The following ULK2 variants were observed in gnomAD, a reference collection of about 807,000 sequenced individuals.
The protein encoded by ULK2 is unc-51 like autophagy activating kinase 2, also known as serine/threonine-protein kinase ULK2.
In ULK2, 76 loss-of-function variants were observed where a neutral mutation model predicts 127.5. The observed-to-expected ratio is 0.60, with a 90% CI of 0.50 to 0.72. ULK2 has a LOEUF of 0.72. ULK2 is among the 30% of genes least tolerant of loss of function. The pLI, the probability that ULK2 is intolerant of heterozygous loss-of-function variation, is 0.00. For synonymous variants in ULK2, 452 were observed against 461.9 expected, an observed-to-expected ratio of 0.98 and a Z score of 0.28; for missense variants, 1,144 against 1,295.9, an observed-to-expected ratio of 0.88 and a Z score of 1.80.
chr17:19,792,465 C>T (rs1043231625), intron 20 of ULK2, among the ~76,000 whole-genome samples: 3 of 152,232 alleles, frequency 2.0e-5, no homozygotes, highest in African/African-American at 7.2e-5. Context: ...GCAAGACTGT[C>T]ACCAGATCAA....
chr17:19,799,676 C>A, intron 16 of ULK2, 101 bp from the exon 17 acceptor site: 2 of 1,170,760 alleles, frequency 1.7e-6, no homozygotes, highest in East Asian at 2.7e-5. Flanking sequence ...GCACAGTAAA[C>A]TACTGGTTAG....
chr17:19,783,967 C>T, intron 21 of ULK2, 62 bp from the exon 22 acceptor site: 1 of 1,294,662 alleles, frequency 7.7e-7, no homozygotes. Flanking sequence ...CCCACTCCTA[C>T]TCTTATTTAC....
intron 21 of ULK2, among the ~76,000 whole-genome samples, 199 bp downstream of exon 21, chr17:19,785,738 T>A (rs928178619): frequency 2.6e-5 from 4 of 151,970 alleles, no homozygotes; most frequent in African/African-American, 9.7e-5. Flanking sequence ...CTTTACAAAG[T>A]TTTTTTCCCC....
chr17:19,824,682 G>A (rs1304225491), intron 12 of ULK2, among the ~76,000 whole-genome samples: 1 of 152,040 alleles, frequency 6.6e-6, no homozygotes, highest in East Asian at 1.9e-4. Flanking sequence ...TGGCTCAGAG[G>A]TGACTCCTCC....
rs2042026572 is a variant in ULK2, at chr17:19,852,017, G to A, written c.226-2243C>T. Among the ~76,000 whole-genome samples the A allele has an allele frequency of 2.2e-5, 3 of 135,490 alleles. No homozygotes were observed. The South Asian group carries it at 7.0e-4, about 32-fold the overall frequency. The allele number at this position is 135,490 out of a possible 152,430, so 88.9% of individuals were successfully genotyped here. The stretch of plus-strand genomic sequence containing the variant: ...GCCGAGATTGCGCCACTGCATTCCA[G>A]CCTGGCAACAGAATGAGACTCCATC... On this transcript the variant is annotated intron_variant, in intron 3 of 26. Coordinates refer to ENST00000395544, the MANE Select transcript of ULK2 (RefSeq NM_014683.4).
At chr17:19,828,993 G>A (rs1390641376) in intron 10 of ULK2, among the ~76,000 whole-genome samples, 3 of 152,136 alleles carry the variant, frequency 2.0e-5, no homozygotes, top group African/African-American at 4.8e-5. Flanking sequence ...GCCTGAACTC[G>A]GGACACAGAG....
chr17:19,799,602 G>C (rs1227020813), intron 16 of ULK2, 27 bp from the exon 17 acceptor site: 9 of 1,364,826 alleles, frequency 6.6e-6, no homozygotes, highest in Non-Finnish European at 8.9e-6. Flanking sequence ...AAAAAAGATG[G>C]GGAAAGGAAG....
In ULK2 at chr17:19,776,400, A is replaced by G; in HGVS notation, c.3060T>C (p.Cys1020=). The part of the protein sequence containing the change: ...ADIENVHKYK[C]SIERRLSALC... Reference sequence around the variant, plus strand: ...GCGCCGACAGTCTTCTCTCAATACTACATTTATCTAGAAATAAAATAACAA... The same window carrying G: ...GCGCCGACAGTCTTCTCTCAATACTGCATTTATCTAGAAATAAAATAACAA... The change falls in exon 27 of 27, where the codon TGT becomes TGC. Residue 1020 remains cysteine, a synonymous_variant. Transcript: ENST00000395544. 6.3e-7 allele frequency: 1 copy of G among 1,595,400 alleles called. No homozygotes were observed. The highest frequency in any genetic ancestry group is 8.5e-7 in the Non-Finnish European group (1 of 1,171,052).
intron 5 of ULK2, 90 bp from the exon 6 acceptor site, chr17:19,847,000 A>T: frequency 1.6e-6 from 2 of 1,244,724 alleles, no homozygotes; most frequent in Non-Finnish European, 2.2e-6. Context: ...TGTGAAGGAG[A>T]GCATGAAGGG....
rs1446226836 is a variant in ULK2, at chr17:19,774,950, CAGAT to C, written c.*1395_*1398del. The C allele has an allele frequency of 2.0e-5, 3 of 152,488 alleles. No individual in the cohort carries two copies. Among genetic ancestry groups the C allele is most frequent in the African/African-American group, 7.2e-5 (3 of 41,388 alleles). The allele number at this position is 152,488 out of a possible 1,614,324, so 9.4% of individuals were successfully genotyped here. A position where few individuals can be genotyped will look rare whatever the true frequency, so the allele number is the denominator to read the frequency against. On this transcript the variant is annotated 3_prime_UTR_variant, in exon 27 of 27. Transcript: ENST00000395544. ...TCAAATTAACTACTGGAATTTCATA[CAGAT>C]AAATAAGGTAAAAATTACATTACTT... is the stretch of plus-strand genomic sequence containing the variant.
rs1187727876 is a variant in ULK2, at chr17:19,829,552, G to GGGGT, written c.788-3367_788-3366insACCC. On this transcript the variant is annotated intron_variant, in intron 10 of 26. Transcript: ENST00000395544. ...ACCCTGTCAAGGAAAAAAAAAAGGG[G>GGGGT]GGGGGCTGGGCACGGTAGCTCACGC... Among the ~76,000 whole-genome samples the GGGGT allele has an allele frequency of 7.8e-5, 11 of 140,874 alleles. 1 individual carries two copies. The highest frequency in any genetic ancestry group is 2.0e-4 in the East Asian group (1 of 4,964). 92.4% of individuals were successfully genotyped at this position (140,874 alleles called of 152,430 possible). A position where few individuals can be genotyped will look rare whatever the true frequency, so the allele number is the denominator to read the frequency against.
chr17:19,814,433 T>TATATACAC (rs2040923196), intron 13 of ULK2, among the ~76,000 whole-genome samples: 2 of 24,000 alleles, frequency 8.3e-5, no homozygotes, highest in African/African-American at 3.5e-4. Context: ...TATATATATA[T>TATATACAC]ATATATTTTT....
chr17:19,796,046 T>A, intron 19 of ULK2, 49 bp downstream of exon 19: 1 of 1,560,706 alleles, frequency 6.4e-7, no homozygotes, highest in Non-Finnish European at 8.6e-7. Context: ...ATCTATGTTT[T>A]ACTATTACAG....
chr17:19,776,270 G>A lies in ULK2; in HGVS notation c.*79C>T. 7.7e-7 allele frequency: 1 copy of A among 1,295,930 alleles called. No homozygotes were observed. Among genetic ancestry groups the A allele is most frequent in the Non-Finnish European group, 1.0e-6 (1 of 952,836 alleles). The allele number at this position is 1,295,930 out of a possible 1,614,324, so 80.3% of individuals were successfully genotyped here. A position where few individuals can be genotyped will look rare whatever the true frequency, so the allele number is the denominator to read the frequency against. On this transcript the variant is annotated 3_prime_UTR_variant, in exon 27 of 27. Coordinates refer to ENST00000395544, the MANE Select transcript of ULK2 (RefSeq NM_014683.4). The stretch of plus-strand genomic sequence containing the variant: ...TAAGAAGCTACAGTTTCCTGGGGAT[G>A]GGGTGACAGAACTCAAGCTGTAATC...
At chr17:19,856,506 T>C (rs965074688) in intron 3 of ULK2, among the ~76,000 whole-genome samples, 2 of 150,332 alleles carry the variant, frequency 1.3e-5, no homozygotes, top group Admixed American at 6.7e-5. Context: ...GAGGGGAACC[T>C]GGGAGGCAGA....
chr17:19,827,960 A>G (rs2041338188), intron 10 of ULK2, among the ~76,000 whole-genome samples: 1 of 152,000 alleles, frequency 6.6e-6, no homozygotes, highest in South Asian at 2.1e-4. Flanking sequence ...AACTGATGAG[A>G]CCCACACAGA....
At chr17:19,862,365 G>T (rs1407414642) in intron 3 of ULK2, among the ~76,000 whole-genome samples, 1 of 152,100 alleles carries the variant, frequency 6.6e-6, no homozygotes, top group South Asian at 2.1e-4. Flanking sequence ...CCAAAGTGTG[G>T]ATTACAGGCA....
At chr17:19,849,816 A>G (rs771702628) in intron 3 of ULK2, 42 bp from the exon 4 acceptor site, 3 of 1,258,318 alleles carry the variant, frequency 2.4e-6, no homozygotes, top group South Asian at 1.5e-5. Context: ...AGAAAAATTA[A>G]ACACAAAATT....
At chr17:19,809,882 G>C (rs187407096) in intron 14 of ULK2, among the ~76,000 whole-genome samples, 56 of 152,062 alleles carry the variant, frequency 3.7e-4, no homozygotes, top group African/African-American at 1.3e-3. Flanking sequence ...TCCAGCCTGG[G>C]CCACAGAGCA....
Sources: allele counts gnomAD v4.1 joint callset (sites outside exome capture counted in the v4.1 genomes callset), GRCh38; gene constraint gnomAD v4.1.1; transcripts MANE v1.5; gene names NCBI Gene and HGNC (gene_info 2026-07-23, HGNC 2026-07-21).